NELFCD: variants seen among roughly 807,000 people sequenced by gnomAD.
NELFCD encodes negative elongation factor C/D.
NELFCD carries 48 observed loss-of-function variants against 72.9 expected under a neutral mutation model. The observed-to-expected ratio is 0.66, with a 90% CI of 0.52 to 0.84. NELFCD has a LOEUF of 0.84. NELFCD is among the 40% of genes least tolerant of loss of function. The probability of loss-of-function intolerance (pLI) is 0.00; values close to 1 mark genes in which losing one functional copy is unlikely to be tolerated. For missense variants in NELFCD, 538 were observed against 723.8 expected (o/e 0.74, Z 2.94); for synonymous variants, 297 against 280.6 (o/e 1.06, Z -0.59).
chr20:58,981,446 A>C, intron 1 of NELFCD, 77 bp downstream of exon 1: 1 of 604,034 alleles, frequency 1.7e-6, no homozygotes, highest in Non-Finnish European at 2.1e-6. Flanking sequence ...ACTCCCGGAG[A>C]GGCCGCGCGG....
chr20:58,991,135 G>T, intron 8 of NELFCD, 60 bp downstream of exon 8: 1 of 1,587,572 alleles, frequency 6.3e-7, no homozygotes, highest in Non-Finnish European at 8.6e-7. Flanking sequence ...GAAAGTCTGT[G>T]CTTGTCTGAT....
In NELFCD at chr20:58,993,866, T is replaced by G. The variant is rs1233568531; in HGVS notation, c.1581+102T>G. The G allele has an allele frequency of 1.5e-6, 2 of 1,365,012 alleles. No individual in the cohort carries two copies. Among genetic ancestry groups the G allele is most frequent in the African/African-American group, 2.9e-5 (2 of 70,012 alleles). 84.6% of individuals were successfully genotyped at this position (1,365,012 alleles called of 1,614,324 possible). ...TTTGTACCTAACTGAGAACTGTGCT[T>G]TCTGATGTAGTGATGACAATGACAG... On this transcript the variant is annotated intron_variant, in intron 13 of 14. Transcript: ENST00000652272. The surrounding 1 kb of genome is among the most constrained non-coding windows in gnomAD (Gnocchi z 5.0).
chr20:58,985,905 T>G lies in NELFCD; in HGVS notation c.61-188T>G, dbSNP rs568041728. Among the ~76,000 whole-genome samples, 4 of 152,322 alleles carry G rather than the reference T, an allele frequency of 2.6e-5. No individual in the cohort carries two copies. In the South Asian group the frequency reaches 8.3e-4, roughly 32 times the overall value. ...AGGAGTTGTACACACCCACTCAGTG[T>G]GATCCTGGATCCCATTTTCCTAGCC... On this transcript the variant is annotated intron_variant, in intron 1 of 14. Transcript: ENST00000652272.
rs1292326297 is a variant in NELFCD at position 58,994,781 on chromosome 20, G to C, written c.*105G>C. Reference sequence around the variant, plus strand: ...GGCTCGGGCAGCGTCTTGAAAATGGGCACCGCTGGGAGGAGGTGGATGACT... The same window carrying C: ...GGCTCGGGCAGCGTCTTGAAAATGGCCACCGCTGGGAGGAGGTGGATGACT... On this transcript the variant is annotated 3_prime_UTR_variant, in exon 15 of 15. Transcript: ENST00000652272. 1 of 904,106 alleles carries C rather than the reference G, an allele frequency of 1.1e-6. No homozygotes were observed. The highest frequency in any genetic ancestry group is 1.8e-6 in the Non-Finnish European group (1 of 552,392). The allele number at this position is 904,106 out of a possible 1,614,324, so 56.0% of individuals were successfully genotyped here. A position where few individuals can be genotyped will look rare whatever the true frequency, so the allele number is the denominator to read the frequency against.
chr20:58,987,614 T>C (rs1476257735), intron 3 of NELFCD, 94 bp from the exon 4 acceptor site: 8 of 983,922 alleles, frequency 8.1e-6, no homozygotes, highest in Non-Finnish European at 1.1e-5. Context: ...TCTTTGGTAT[T>C]TGATTCACAT....
rs1333493855 is a variant in NELFCD at position 58,986,517 on chromosome 20, G to GT, written c.177-231dup. 7 of 557,432 alleles carry GT rather than the reference G, an allele frequency of 1.3e-5. No homozygotes were observed. The highest frequency in any genetic ancestry group is 1.9e-5 in the Non-Finnish European group (6 of 317,958). 34.5% of individuals were successfully genotyped at this position (557,432 alleles called of 1,614,324 possible). On this transcript the variant is annotated intron_variant, in intron 2 of 14. Transcript: ENST00000652272. The surrounding 1 kb of genome is among the most constrained non-coding windows in gnomAD (Gnocchi z 4.4). ...ATCATGCCTGGCTATTTTTGTTTTT[G>GT]TTTTTTGGGAGAGACAGGGCTCCTT...
intron 4 of NELFCD, 117 bp from the exon 5 acceptor site, chr20:58,988,797 A>G: frequency 1.4e-6 from 1 of 703,352 alleles, no homozygotes; most frequent in Non-Finnish European, 2.4e-6. Flanking sequence ...CCCCAGAACT[A>G]GATGCCCATG....
In NELFCD at chr20:58,987,912, G is replaced by T. The variant is rs571292432; in HGVS notation, c.396+95G>T. The T allele has an allele frequency of 3.1e-5, 27 of 877,736 alleles. 1 individual carries two copies. The African/African-American group carries it at 3.9e-4, about 13-fold the overall frequency. The allele number at this position is 877,736 out of a possible 1,614,324, so 54.4% of individuals were successfully genotyped here. ...AGCGTGGCATATCATGTAAGTAATG[G>T]CAGAGTTGAGGACTAAAATCAGAGT... On this transcript the variant is annotated intron_variant, in intron 4 of 14. Transcript: ENST00000652272.
intron 4 of NELFCD, 130 bp downstream of exon 4, chr20:58,987,947 A>C (rs1282945551): frequency 8.6e-6 from 6 of 694,084 alleles, no homozygotes; most frequent in Non-Finnish European, 1.5e-5. Flanking sequence ...TGTGAGACAG[A>C]AGTTGCATCT....
In NELFCD at chr20:58,986,117, G is replaced by C; in HGVS notation, c.85G>C (p.Glu29Gln). 1 of 1,613,912 alleles carries C rather than the reference G, an allele frequency of 6.2e-7. No individual in the cohort carries two copies. The highest frequency in any genetic ancestry group is 8.5e-7 in the Non-Finnish European group (1 of 1,179,758). The change falls in exon 2 of 15, where the codon GAG becomes CAG. Residue 29 changes from glutamate (E) to glutamine (Q), a missense_variant. By Grantham distance (29) the Glu-to-Gln change is conservative. Around this residue, in one of 3 missense-constraint regions of NELFCD, gnomAD observed 47 missense variants for 35.3 expected, o/e 1.33. Coordinates refer to ENST00000652272, the MANE Select transcript of NELFCD (RefSeq NM_198976.4). The surrounding 1 kb of genome is among the most constrained non-coding windows in gnomAD (Gnocchi z 4.4). ...GCAGGAGGATGATTCTGGAGAAGGA[G>C]AGGATGATGCGGAGGTTCAGCAAGA... ...GQQEDDSGEG[E>Q]DDAEVQQECL...
rs2091801976 is a variant in NELFCD, at chr20:58,989,864, G to T, written c.664G>T (p.Val222Leu). 6.2e-7 allele frequency: 1 copy of T among 1,614,032 alleles called. No individual in the cohort carries two copies. The highest frequency in any genetic ancestry group is 8.5e-7 in the Non-Finnish European group (1 of 1,180,044). Residue 222 changes from valine to leucine, a missense_variant, in exon 7 of 15, where the codon GTG (valine) becomes TTG (leucine). Transcript: ENST00000652272. ...EKNLPEFAKM[V>L]CHGEHTYLFA... ...TCTCCCTGCAATCTTGCAGAAGATG[G>T]TGTGCCACGGGGAGCACACGTACCT...
In NELFCD at chr20:58,983,954, A is replaced by G. The variant is rs114790387; in HGVS notation, c.61-2139A>G. 8.9e-3 allele frequency among the ~76,000 whole-genome samples: 1,359 copies of G among 152,178 alleles called. 11 individuals carry two copies. Among genetic ancestry groups the G allele is most frequent in the African/African-American group, 0.031 (1,274 of 41,520 alleles). On this transcript the variant is annotated intron_variant, in intron 1 of 14. Coordinates refer to ENST00000652272, the MANE Select transcript of NELFCD (RefSeq NM_198976.4). ...GGGCTCTCATGGATGAGGGGGGTGG[A>G]CCAGACGTTCATTTCATGTTTATTC...
chr20:58,992,833 A>T (rs958177779), intron 10 of NELFCD, among the ~76,000 whole-genome samples, 165 bp from the exon 11 acceptor site: 3 of 137,182 alleles, frequency 2.2e-5, no homozygotes, highest in African/African-American at 8.4e-5. Context: ...TGGAAGACAG[A>T]GTGAGACCCT....
Position 58,989,970 on chromosome 20 carries a change from A to T in NELFCD, c.770A>T (p.Gln257Leu). The T allele has an allele frequency of 6.2e-7, 1 of 1,613,406 alleles. No individual in the cohort carries two copies. The highest frequency in any genetic ancestry group is 8.5e-7 in the Non-Finnish European group (1 of 1,180,044). ...GTGCGCAGGATCGCCCAGGAAGTGCAGCGCTTTGCCCAGGAGAAGTGAGAG... is the reference window on the plus strand; with the variant it reads ...GTGCGCAGGATCGCCCAGGAAGTGCTGCGCTTTGCCCAGGAGAAGTGAGAG... ...SAVRRIAQEV[Q>L]RFAQEKGHDA... The change falls in exon 7 of 15, where the codon CAG becomes CTG. Residue 257 changes from glutamine (Q) to leucine (L), a missense_variant. By Grantham distance (113) the Gln-to-Leu change is moderately radical. Coordinates refer to ENST00000652272, the MANE Select transcript of NELFCD (RefSeq NM_198976.4).
Position 58,986,876 on chromosome 20 carries a change from T to C in NELFCD, c.286+13T>C. ...CTCATTCAGACAGGTGCTTTGTGGG[T>C]GTCCCCTGTCCTGGCTAGTTACCCC... On this transcript the variant is annotated intron_variant, in intron 3 of 14. Transcript: ENST00000652272. The surrounding 1 kb of genome is among the most constrained non-coding windows in gnomAD (Gnocchi z 4.4). The C allele has an allele frequency of 6.3e-7, 1 of 1,577,520 alleles. No homozygotes were observed. Among genetic ancestry groups the C allele is most frequent in the Non-Finnish European group, 8.7e-7 (1 of 1,149,270 alleles).
chr20:58,987,630 C>A, intron 3 of NELFCD, 78 bp from the exon 4 acceptor site: 1 of 1,186,292 alleles, frequency 8.4e-7, no homozygotes, highest in Non-Finnish European at 1.2e-6. Flanking sequence ...CACATAGAGA[C>A]TTTTGACCAT....
rs766148754 is a variant in NELFCD, at chr20:58,989,623, A to T, written c.640A>T (p.Asn214Tyr). 7.4e-6 allele frequency: 12 copies of T among 1,614,034 alleles called. No individual in the cohort carries two copies. Among genetic ancestry groups the T allele is most frequent in the Non-Finnish European group, 1.0e-5 (12 of 1,180,048 alleles). ...LDGGEENLEKNLPEFAKMVCH... is the reference protein window; with the variant it reads ...LDGGEENLEKYLPEFAKMVCH... ...TGGAGGAGAAGAAAACCTTGAAAAA[A>T]ATCTCCCTGAGTTTGCCGTAAGTTC... Residue 214 changes from asparagine to tyrosine, a missense_variant, in exon 6 of 15, where the codon AAT becomes TAT. By Grantham distance (143) the Asn-to-Tyr change is moderately radical. Transcript: ENST00000652272.
chr20:58,981,559 C>T (rs1020799878), intron 1 of NELFCD, among the ~76,000 whole-genome samples, 190 bp downstream of exon 1: 7 of 125,584 alleles, frequency 5.6e-5, no homozygotes, highest in African/African-American at 1.8e-4. Context: ...CGGGGTCCCG[C>T]GGCGCGGCCG....
In NELFCD at chr20:58,993,581, G is replaced by C. The variant is rs770231696; in HGVS notation, c.1440+37G>C. ...CCGTGGGGCTTGCCAGAGGGCTGAGGAGGACCCTCTCTAACCAGCTCCCTG... is the reference window on the plus strand; with the variant it reads ...CCGTGGGGCTTGCCAGAGGGCTGAGCAGGACCCTCTCTAACCAGCTCCCTG... On this transcript the variant is annotated intron_variant, in intron 12 of 14. Coordinates refer to ENST00000652272, the MANE Select transcript of NELFCD (RefSeq NM_198976.4). The surrounding 1 kb of genome is among the most constrained non-coding windows in gnomAD (Gnocchi z 5.0). The C allele has an allele frequency of 5.0e-6, 8 of 1,614,094 alleles. No individual in the cohort carries two copies. The African/African-American group carries it at 1.1e-4, about 22-fold the overall frequency.
Sources: allele counts gnomAD v4.1 joint callset (sites outside exome capture counted in the v4.1 genomes callset), GRCh38; gene constraint gnomAD v4.1.1; regional missense constraint gnomAD v4.1.1; non-coding constraint Gnocchi (gnomAD v3.1); transcripts MANE v1.5; gene names NCBI Gene and HGNC (gene_info 2026-07-23, HGNC 2026-07-21).